KBTBD12: variants seen among roughly 807,000 people sequenced by gnomAD.
KBTBD12 encodes the protein kelch repeat and BTB domain-containing protein 12.
In KBTBD12, 53 loss-of-function variants were observed where a neutral mutation model predicts 58.7. The observed-to-expected ratio is 0.90, with a 90% CI of 0.72 to 1.14. The LOEUF (loss-of-function observed/expected upper bound fraction) is 1.14, where lower values mean the gene tolerates loss of function less well. Ranked by LOEUF, KBTBD12 falls within the 50% of genes most tolerant of loss-of-function variation. KBTBD12 has a pLI of 0.00. For missense variants in KBTBD12, 704 were observed against 751.3 expected (o/e 0.94, Z 0.74); for synonymous variants, 236 against 259.8 (o/e 0.91, Z 0.88).
chr3:127,955,871 A>G (rs922404834), intron 4 of KBTBD12, among the ~76,000 whole-genome samples: 11 of 152,232 alleles, frequency 7.2e-5, no homozygotes, highest in Admixed American at 5.9e-4. Flanking sequence ...GTACTTGAAT[A>G]TTCTAGGAAG....
At chr3:127,936,186 T>C (rs2107596343) in intron 4 of KBTBD12, among the ~76,000 whole-genome samples, 1 of 152,120 alleles carries the variant, frequency 6.6e-6, no homozygotes, top group East Asian at 1.9e-4. Flanking sequence ...GCCAATGTGG[T>C]GAAACCCTGT....
intron 4 of KBTBD12, among the ~76,000 whole-genome samples, chr3:127,957,607 A>T (rs1400701985): frequency 6.6e-6 from 1 of 152,166 alleles, no homozygotes; most frequent in Non-Finnish European, 1.5e-5. Context: ...ATATTCTGAA[A>T]AGCCAGTTAT....
chr3:127,939,932 A>T (rs1306582486), intron 4 of KBTBD12, among the ~76,000 whole-genome samples: 1 of 152,186 alleles, frequency 6.6e-6, no homozygotes, highest in Non-Finnish European at 1.5e-5. Context: ...CCATGCAAAC[A>T]CTGATCAAAA....
chr3:127,975,009 G>T lies in KBTBD12; in HGVS notation c.1691-9088G>T, dbSNP rs141433318. The stretch of plus-strand genomic sequence containing the variant: ...ATAAATAAATCATCTCTGTTAGTTT[G>T]AGTTCCCCCAAAGCATACCTTGAAA... On this transcript the variant is annotated intron_variant, in intron 5 of 5. Transcript: ENST00000405109. 3.1e-3 allele frequency among the ~76,000 whole-genome samples: 472 copies of T among 152,336 alleles called. 2 individuals are homozygous for T. Among genetic ancestry groups the T allele is most frequent in the African/African-American group, 0.011 (443 of 41,582 alleles).
chr3:127,923,304 T>C lies in KBTBD12; in HGVS notation c.243T>C (p.Ser81=). ...EVILYDITAE[S]VSVLLNYMYN... is the part of the protein sequence containing the mutation. ...TACTTTATGACATCACAGCAGAAAGTGTGTCGGTGTTATTAAATTACATGT... is the reference window on the plus strand; with the variant it reads ...TACTTTATGACATCACAGCAGAAAGCGTGTCGGTGTTATTAAATTACATGT... Residue 81 remains serine, a synonymous_variant, in exon 2 of 6, where the codon AGT becomes AGC. Coordinates refer to ENST00000405109, the MANE Select transcript of KBTBD12 (RefSeq NM_207335.4). 1 of 1,613,766 alleles carries C rather than the reference T, an allele frequency of 6.2e-7. No homozygotes were observed. Among genetic ancestry groups the C allele is most frequent in the African/African-American group, 1.3e-5 (1 of 75,032 alleles).
chr3:127,945,421 T>G (rs774414914), intron 4 of KBTBD12, among the ~76,000 whole-genome samples: 2 of 151,372 alleles, frequency 1.3e-5, no homozygotes, highest in African/African-American at 2.4e-5. Context: ...CCTGACCTCA[T>G]GATCCACCCG....
At chr3:127,924,708 A>G (rs1242055829) in intron 2 of KBTBD12, among the ~76,000 whole-genome samples, 2 of 152,088 alleles carry the variant, frequency 1.3e-5, no homozygotes, top group Non-Finnish European at 2.9e-5. Context: ...TTTTCATTCT[A>G]TGTCCTTAAT....
intron 3 of KBTBD12, among the ~76,000 whole-genome samples, chr3:127,929,249 C>T (rs7635297): frequency 0.056 from 8,574 of 152,190 alleles, 277 homozygotes; most frequent in East Asian, 0.097. Context: ...CCTTGTATAA[C>T]AATTGCAAGA....
intron 5 of KBTBD12, among the ~76,000 whole-genome samples, chr3:127,974,173 A>G (rs1296564239): frequency 6.6e-6 from 1 of 152,278 alleles, no homozygotes; most frequent in Non-Finnish European, 1.5e-5. Flanking sequence ...GAGAGCAATT[A>G]TATCAGCAAA....
In KBTBD12 at chr3:127,923,530, T is replaced by C; in HGVS notation, c.469T>C (p.Tyr157His). 1.9e-6 allele frequency: 3 copies of C among 1,612,348 alleles called. No homozygotes were observed. Among genetic ancestry groups the C allele is most frequent in the Middle Eastern group, 1.7e-4 (1 of 6,058 alleles). Residue 157 changes from tyrosine (Y) to histidine (H), a missense_variant, in exon 2 of 6, where the codon TAT (tyrosine) becomes CAT (histidine). Tyr to His is a moderately conservative substitution (Grantham distance 83). Transcript: ENST00000405109. ...ATCTGATCGATCAAAGAAATATTTA[T>C]ATCAGCACTTTGCCGAGGTGAGCTT... ...DLSDRSKKYL[Y>H]QHFAEVSLHE...
At chr3:127,969,972 C>T (rs1227391967) in intron 5 of KBTBD12, among the ~76,000 whole-genome samples, 2 of 151,904 alleles carry the variant, frequency 1.3e-5, no homozygotes, top group Non-Finnish European at 2.9e-5. Context: ...AAAATCAAAA[C>T]GTTTGTGCTT....
chr3:127,922,980 G>T lies in KBTBD12; in HGVS notation c.-82G>T. The T allele has an allele frequency of 1.3e-6, 1 of 758,506 alleles. No individual in the cohort carries two copies. Among genetic ancestry groups the T allele is most frequent in the Non-Finnish European group, 2.2e-6 (1 of 459,064 alleles). 47.0% of individuals were successfully genotyped at this position (758,506 alleles called of 1,614,324 possible). On this transcript the variant is annotated 5_prime_UTR_variant, in exon 2 of 6. An upstream start codon of the reference 5' UTR is lost. Transcript: ENST00000405109. ...TTTCCTGACATCTTTGTAGCTTCAT[G>T]AGTAATCAGACATGCAAATAGCCCC...
chr3:127,916,756 GA>G (rs1939253208), intron 1 of KBTBD12, among the ~76,000 whole-genome samples: 2 of 150,914 alleles, frequency 1.3e-5, no homozygotes, highest in African/African-American at 4.9e-5. Flanking sequence ...AGGCGTAAGT[GA>G]AGCCAATACA....
intron 4 of KBTBD12, among the ~76,000 whole-genome samples, chr3:127,957,327 G>A (rs1304008265): frequency 6.6e-6 from 1 of 152,164 alleles, no homozygotes; most frequent in Non-Finnish European, 1.5e-5. Context: ...TAGCACCTCA[G>A]GGAAGATAAA....
chr3:127,980,403 C>T (rs1463813032), intron 5 of KBTBD12, among the ~76,000 whole-genome samples: 1 of 152,150 alleles, frequency 6.6e-6, no homozygotes, highest in African/African-American at 2.4e-5. Context: ...AATCTCAGCT[C>T]ATTGCAACCT....
At chr3:127,930,520 G>A (rs964493959) in intron 4 of KBTBD12, among the ~76,000 whole-genome samples, 2 of 152,170 alleles carry the variant, frequency 1.3e-5, no homozygotes, top group Non-Finnish European at 2.9e-5. Flanking sequence ...GCCTTGGAAT[G>A]TAAAAACAAT....
intron 4 of KBTBD12, among the ~76,000 whole-genome samples, chr3:127,958,563 A>G (rs1011533750): frequency 3.3e-5 from 5 of 152,202 alleles, no homozygotes; most frequent in African/African-American, 1.2e-4. Context: ...ATGGGACAGC[A>G]TTGTGTAATT....
chr3:127,971,233 T>C (rs1940677903), intron 5 of KBTBD12, among the ~76,000 whole-genome samples: 1 of 152,120 alleles, frequency 6.6e-6, no homozygotes, highest in African/African-American at 2.4e-5. Context: ...ACTGTGGCCT[T>C]AGGTACCTGC....
chr3:127,928,063 G>T (rs767144042), intron 3 of KBTBD12, 29 bp downstream of exon 3: 1 of 1,590,738 alleles, frequency 6.3e-7, no homozygotes, highest in South Asian at 1.1e-5. Flanking sequence ...TACATAATTG[G>T]CATGGCTATA....
Sources: allele counts gnomAD v4.1 joint callset (sites outside exome capture counted in the v4.1 genomes callset), GRCh38; gene constraint gnomAD v4.1.1; transcripts MANE v1.5; gene names NCBI Gene and HGNC (gene_info 2026-07-23, HGNC 2026-07-21).